The following NIBAN2 variants were observed in gnomAD, a reference collection of about 807,000 sequenced individuals.
The protein encoded by NIBAN2 is protein Niban 2.
Under a neutral mutation model 81.8 loss-of-function variants are expected in NIBAN2, and 36 were observed. That is an observed-to-expected ratio of 0.44 (90% CI 0.34 to 0.58). The LOEUF is 0.58. Among genes scored for constraint, NIBAN2 ranks in the 20% least tolerant of loss-of-function variants. The pLI, the probability that NIBAN2 is intolerant of heterozygous loss-of-function variation, is 0.02. For missense variants in NIBAN2, 897 were observed against 1,014.1 expected, an observed-to-expected ratio of 0.88 and a Z score of 1.57; for synonymous variants, 445 against 441.6, an observed-to-expected ratio of 1.01 and a Z score of -0.10.
chr9:127,520,906 GA>G (rs993717286), intron 5 of NIBAN2, among the ~76,000 whole-genome samples: 3 of 152,044 alleles, frequency 2.0e-5, no homozygotes, highest in Non-Finnish European at 2.9e-5. Context: ...AAAAGAAAAA[GA>G]AAAAAAGAAA....
intron 1 of NIBAN2, among the ~76,000 whole-genome samples, chr9:127,541,952 G>A (rs144296367): frequency 1.8e-4 from 28 of 152,108 alleles, no homozygotes; most frequent in African/African-American, 6.7e-4. Context: ...AGCACCCAGG[G>A]GCCAGTCAAG....
At chr9:127,528,973 C>G (rs1179319404) in intron 2 of NIBAN2, among the ~76,000 whole-genome samples, 1 of 152,244 alleles carries the variant, frequency 6.6e-6, no homozygotes, top group Admixed American at 6.5e-5. Context: ...CAACAACCCC[C>G]ACCACCCAGT....
At chr9:127,510,538 G>C (rs1278175756) in intron 8 of NIBAN2, among the ~76,000 whole-genome samples, 3 of 152,170 alleles carry the variant, frequency 2.0e-5, no homozygotes, top group East Asian at 3.9e-4. Context: ...CCAGGTTCAA[G>C]CAATTCTCCT....
In NIBAN2 at chr9:127,524,947, G is replaced by C. The variant is rs1031879592; in HGVS notation, c.421+111C>G. 6 of 751,370 alleles carry C rather than the reference G, an allele frequency of 8.0e-6. No individual in the cohort carries two copies. In the African/African-American group the frequency reaches 1.0e-4, roughly 13 times the overall value. 46.5% of individuals were successfully genotyped at this position (751,370 alleles called of 1,614,324 possible). ...TCCATCCACAGCTCTAAGCCTAGTT[G>C]GTCTCTCCGCAAACATGGGGCTGAA... On this transcript the variant is annotated intron_variant, in intron 4 of 13. Transcript: ENST00000373312.
Position 127,505,398 on chromosome 9 carries a change from C to T in NIBAN2, c.*1447G>A, listed in dbSNP as rs369125133. Reference sequence around the variant, plus strand: ...GCATGAACAGTGTGCATAATATTTTCAATACAATATCAGGGAGGGATGATG... The same window carrying T: ...GCATGAACAGTGTGCATAATATTTTTAATACAATATCAGGGAGGGATGATG... On this transcript the variant is annotated 3_prime_UTR_variant, in exon 14 of 14. Transcript: ENST00000373312. 1 of 152,642 alleles carries T rather than the reference C, an allele frequency of 6.6e-6. No individual in the cohort carries two copies. Among genetic ancestry groups the T allele is most frequent in the African/African-American group, 2.4e-5 (1 of 41,442 alleles). The allele number at this position is 152,642 out of a possible 1,614,324, so 9.5% of individuals were successfully genotyped here. A position where few individuals can be genotyped will look rare whatever the true frequency, so the allele number is the denominator to read the frequency against.
intron 1 of NIBAN2, chr9:127,578,845 A>C: frequency 2.0e-5 from 28 of 1,399,432 alleles, no homozygotes; most frequent in Non-Finnish European, 2.5e-5. Context: ...TGACAGAGCA[A>C]AACCTCCTCT....
At chr9:127,523,646 C>T (rs1368383876) in intron 5 of NIBAN2, 33 bp downstream of exon 5, 36 of 1,589,856 alleles carry the variant, frequency 2.3e-5, no homozygotes, top group Non-Finnish European at 2.8e-5. Flanking sequence ...CTGCCCCTCC[C>T]TCCCACCGAC....
chr9:127,540,490 T>A (rs115356196), intron 1 of NIBAN2, among the ~76,000 whole-genome samples: 1,750 of 152,286 alleles, frequency 0.011, 44 homozygotes, highest in African/African-American at 0.038. Flanking sequence ...CATGTGCCGC[T>A]CCTGTGCTAA....
intron 1 of NIBAN2, among the ~76,000 whole-genome samples, chr9:127,564,977 G>A (rs1040399026): frequency 2.6e-5 from 4 of 152,166 alleles, no homozygotes; most frequent in African/African-American, 9.7e-5. Context: ...TCTGGGAAGT[G>A]GGATTTAACG....
chr9:127,552,153 C>T (rs998357701), intron 1 of NIBAN2, among the ~76,000 whole-genome samples: 2 of 152,230 alleles, frequency 1.3e-5, no homozygotes, highest in African/African-American at 4.8e-5. Context: ...GGCCGCCTCC[C>T]CACCCAGCAC....
At chr9:127,554,548 C>CTTTCTTTTT (rs1837632346) in intron 1 of NIBAN2, among the ~76,000 whole-genome samples, 55 of 103,664 alleles carry the variant, frequency 5.3e-4, no homozygotes, top group Admixed American at 8.0e-4. Flanking sequence ...TTTTCTTTTT[C>CTTTCTTTTT]TTTTTTTTTT....
intron 1 of NIBAN2, among the ~76,000 whole-genome samples, chr9:127,532,569 T>C (rs942072540): frequency 6.6e-6 from 1 of 152,032 alleles, no homozygotes; most frequent in Non-Finnish European, 1.5e-5. Flanking sequence ...ATTGCACCAC[T>C]GCACTCCAGC....
chr9:127,578,980 C>T, exon 1 of NIBAN2: 1 of 1,582,028 alleles, frequency 6.3e-7, no homozygotes, highest in Non-Finnish European at 8.6e-7. Flanking sequence ...CGGAACTGGC[C>T]CAGTTCCTGA....
intron 1 of NIBAN2, among the ~76,000 whole-genome samples, chr9:127,560,761 G>C (rs529910881): frequency 6.6e-6 from 1 of 152,334 alleles, no homozygotes; most frequent in African/African-American, 2.4e-5. Flanking sequence ...CAAGAAATAA[G>C]GACTACGTGT....
rs201163277 is a variant in NIBAN2, at chr9:127,517,781, C to T, written c.705+45G>A. 2.7e-6 allele frequency: 4 copies of T among 1,496,224 alleles called. No homozygotes were observed. The highest frequency in any genetic ancestry group is 3.7e-6 in the Non-Finnish European group (4 of 1,079,260). The allele number at this position is 1,496,224 out of a possible 1,614,324, so 92.7% of individuals were successfully genotyped here. A position where few individuals can be genotyped will look rare whatever the true frequency, so the allele number is the denominator to read the frequency against. On this transcript the variant is annotated intron_variant, in intron 6 of 13. Coordinates refer to ENST00000373312, the MANE Select transcript of NIBAN2 (RefSeq NM_022833.4). The surrounding 1 kb of genome is among the most constrained non-coding windows in gnomAD (Gnocchi z 4.0). ...ACCCCCTGCCCTCCCCTGCTGGGTC[C>T]TTGGGTGACTTCTGAGGTTTCCTCA...
rs1280206442 is a variant in NIBAN2, at chr9:127,507,398, T to C, written c.1688A>G (p.Asn563Ser). The change falls in exon 14 of 14, where the codon AAC becomes AGC. Residue 563 changes from asparagine to serine, a missense_variant. This residue lies in a region of NIBAN2 where 619 missense variants were observed against 691.0 expected (regional missense o/e 0.90). Coordinates refer to ENST00000373312, the MANE Select transcript of NIBAN2 (RefSeq NM_022833.4). The surrounding 1 kb of genome is among the most constrained non-coding windows in gnomAD (Gnocchi z 6.8). ...CATGACCATGCTGTCCCGGTAGAGG[T>C]TGTGCTTCCTCTGCACCGCGGCCTC... ...VKEAAVQRKH[N>S]LYRDSMVMHN... is the part of the protein sequence containing the mutation. The C allele has an allele frequency of 4.0e-6, 6 of 1,518,288 alleles. No homozygotes were observed. Among genetic ancestry groups the C allele is most frequent in the Non-Finnish European group, 5.3e-6 (6 of 1,133,198 alleles). 94.1% of individuals were successfully genotyped at this position (1,518,288 alleles called of 1,614,324 possible). A position where few individuals can be genotyped will look rare whatever the true frequency, so the allele number is the denominator to read the frequency against.
At chr9:127,556,982 C>T (rs943917430) in intron 1 of NIBAN2, among the ~76,000 whole-genome samples, 3 of 152,170 alleles carry the variant, frequency 2.0e-5, no homozygotes, top group Non-Finnish European at 2.9e-5. Flanking sequence ...GAGACTGAGG[C>T]AGAAGGATTG....
chr9:127,532,005 G>T (rs1327755713), intron 1 of NIBAN2, among the ~76,000 whole-genome samples: 1 of 152,234 alleles, frequency 6.6e-6, no homozygotes, highest in African/African-American at 2.4e-5. Context: ...AGCGGGTAAT[G>T]GCCATAGACA....
chr9:127,510,019 G>A, intron 9 of NIBAN2, 127 bp downstream of exon 9: 2 of 846,188 alleles, frequency 2.4e-6, no homozygotes, highest in Non-Finnish European at 3.6e-6. Flanking sequence ...GTCCCCAGCA[G>A]CCCCTCCCCG....
Sources: allele counts gnomAD v4.1 joint callset (sites outside exome capture counted in the v4.1 genomes callset), GRCh38; gene constraint gnomAD v4.1.1; regional missense constraint gnomAD v4.1.1; non-coding constraint Gnocchi (gnomAD v3.1); transcripts MANE v1.5; gene names NCBI Gene and HGNC (gene_info 2026-07-23, HGNC 2026-07-21).